The following FLNC variants were observed in gnomAD, a reference collection of about 807,000 sequenced individuals.
FLNC encodes the protein filamin C.
In FLNC, 91 loss-of-function variants were observed where a neutral mutation model predicts 254.3. The observed-to-expected ratio is 0.36, with a 90% CI of 0.30 to 0.43. The LOEUF (loss-of-function observed/expected upper bound fraction) is 0.43. FLNC is among the 20% of genes least tolerant of loss of function. The pLI is 1.00. For synonymous variants in FLNC, 1,430 were observed against 1,577.2 expected (o/e 0.91, Z 2.21); for missense variants, 2,853 against 3,802.6 (o/e 0.75, Z 6.57).
intron 37 of FLNC, 67 bp downstream of exon 37, chr7:128,853,098 C>T: frequency 6.9e-7 from 1 of 1,444,764 alleles, no homozygotes; most frequent in Non-Finnish European, 9.7e-7. Flanking sequence ...CCTCGTCCTG[C>T]CCAGCACCCC....
rs776786652 is a variant in FLNC, at chr7:128,843,403, C to G, written c.2642-5C>G. On this transcript the variant is annotated splice_region_variant and splice_polypyrimidine_tract_variant and intron_variant, in intron 17 of 47. Transcript: ENST00000325888. ...CCCTCACCACATCTCTGGGTGGGTC[C>G]TCAGGTGTGGAAGTCGGGAAGCCCA... 3.1e-6 allele frequency: 5 copies of G among 1,614,022 alleles called. No individual in the cohort carries two copies. Among genetic ancestry groups the G allele is most frequent in the Non-Finnish European group, 3.4e-6 (4 of 1,180,000 alleles).
At position 128,854,461 on chromosome 7, in the gene FLNC, G is replaced by T; in HGVS notation, c.6776G>T (p.Gly2259Val). The change falls in exon 41 of 48, where the codon GGC becomes GTC. Residue 2259 changes from glycine to valine, a missense_variant. This residue lies in a region of FLNC where 551 missense variants were observed against 835.0 expected (regional missense o/e 0.66). Transcript: ENST00000325888. The part of the protein sequence containing the change: ...DMTAQVTSPS[G>V]KVEAAEIVEG... ...ACTGCACAGGTGACCAGCCCATCGG[G>T]CAAGGTGGAAGCCGCAGAGATCGTC... 6.2e-7 allele frequency: 1 copy of T among 1,609,358 alleles called. No homozygotes were observed. The highest frequency in any genetic ancestry group is 1.1e-5 in the South Asian group (1 of 90,140).
In FLNC at chr7:128,855,201, G is replaced by T. The variant is rs1334300883; in HGVS notation, c.7138G>T (p.Asp2380Tyr). The T allele has an allele frequency of 6.2e-7, 1 of 1,606,722 alleles. No homozygotes were observed. The highest frequency in any genetic ancestry group is 1.1e-5 in the South Asian group (1 of 90,916). Residue 2380 changes from aspartate (D) to tyrosine (Y), a missense_variant and splice_region_variant, in exon 43 of 48, where the codon GAC (aspartate) becomes TAC (tyrosine). Transcript: ENST00000325888. The stretch of plus-strand genomic sequence containing the variant: ...TGCTGACTGGTCTCTCTCCCCAGGT[G>T]ACTATGAGGTCTCCATCAAGTTCAA... The part of the protein sequence containing the change: ...GVSYVVQEPG[D>Y]YEVSIKFNDE...
chr7:128,840,454 G>A (rs906058205), intron 9 of FLNC, 94 bp from the exon 10 acceptor site: 48 of 1,575,800 alleles, frequency 3.0e-5, no homozygotes, highest in Non-Finnish European at 4.1e-5. Context: ...CTCGGGCTGG[G>A]TCGGGGTCCC....
chr7:128,843,434 T>C lies in FLNC; in HGVS notation c.2668T>C (p.Phe890Leu). Residue 890 changes from phenylalanine to leucine, a missense_variant, in exon 18 of 48, where the codon TTC becomes CTC. Physicochemically the swap from Phe to Leu is conservative, Grantham distance 22. Around this residue, in one of 10 missense-constraint regions of FLNC, gnomAD observed 1,573 missense variants for 1,883.5 expected, o/e 0.84. Coordinates refer to ENST00000325888, the MANE Select transcript of FLNC (RefSeq NM_001458.5). ...TGTGGAAGTCGGGAAGCCCACCCAC[T>C]TCACGGTGCTGACCAAGGGAGCCGG... ...TGVEVGKPTHFTVLTKGAGKA... is the reference protein window; with the variant it reads ...TGVEVGKPTHLTVLTKGAGKA... The C allele has an allele frequency of 6.2e-7, 1 of 1,614,054 alleles. No individual in the cohort carries two copies. The highest frequency in any genetic ancestry group is 8.5e-7 in the Non-Finnish European group (1 of 1,180,010).
rs887620276 is a variant in FLNC, at chr7:128,846,113, C to T, written c.3914C>T (p.Thr1305Ile). 5 of 1,614,052 alleles carry T rather than the reference C, an allele frequency of 3.1e-6. No homozygotes were observed. The highest frequency in any genetic ancestry group is 4.2e-6 in the Non-Finnish European group (5 of 1,180,012). Residue 1305 changes from threonine to isoleucine, a missense_variant, in exon 22 of 48, where the codon ACA (threonine) becomes ATA (isoleucine). Physicochemically the swap from Thr to Ile is moderately conservative, Grantham distance 89. Coordinates refer to ENST00000325888, the MANE Select transcript of FLNC (RefSeq NM_001458.5). The part of the protein sequence containing the change: ...PSGAKTDTYV[T>I]DNGDGTYRVQ... ...GGGGCCAAGACAGACACCTATGTGA[C>T]AGACAATGGGGACGGCACCTACCGA...
At position 128,830,917 on chromosome 7, in the gene FLNC, C is replaced by T; in HGVS notation, c.280C>T (p.Gln94Ter). 6.2e-7 allele frequency: 1 copy of T among 1,613,076 alleles called. No individual in the cohort carries two copies. The highest frequency in any genetic ancestry group is 1.7e-5 in the Admixed American group (1 of 60,036). Reference protein sequence around the residue: ...RKFHPRPNFRQMKLENVSVAL... With the variant: ...RKFHPRPNFR ...GTTCCATCCGCGCCCCAACTTCCGC[C>T]AAATGAAGCTGGAGAACGTGTCCGT... Residue 94 changes from glutamine to a stop codon, truncating the protein, a stop_gained, in exon 1 of 48, where the codon CAA (glutamine) becomes TAA (stop). Transcript: ENST00000325888. LOFTEE classifies it high-confidence loss of function.
intron 27 of FLNC, 31 bp from the exon 28 acceptor site, chr7:128,848,762 A>T: frequency 6.2e-7 from 1 of 1,614,134 alleles, no homozygotes; most frequent in Non-Finnish European, 8.5e-7. Flanking sequence ...CTCCAGGCAC[A>T]GGCGGGCCTT....
At chr7:128,852,559 A>T (rs1258358651) in intron 35 of FLNC, 32 bp from the exon 36 acceptor site, 8 of 1,612,780 alleles carry the variant, frequency 5.0e-6, no homozygotes, top group Non-Finnish European at 6.8e-6. Context: ...GCCTGGAGTC[A>T]TAGCAGCCTG....
chr7:128,842,346 G>A lies in FLNC; in HGVS notation c.2237G>A (p.Gly746Asp), dbSNP rs767964217. The change falls in exon 14 of 48, where the codon GGC becomes GAC. Residue 746 changes from glycine to aspartate, a missense_variant. Gly to Asp is a moderately conservative substitution (Grantham distance 94). Around this residue, in one of 10 missense-constraint regions of FLNC, gnomAD observed 1,573 missense variants for 1,883.5 expected, o/e 0.84. Coordinates refer to ENST00000325888, the MANE Select transcript of FLNC (RefSeq NM_001458.5). This position sits in a 1 kb window ranked among gnomAD's most constrained non-coding sequence, Gnocchi z 5.4. The part of the protein sequence containing the change: ...IKHTIIISWG[G>D]VNVPKSPFRV... ...CACACCATCATCATCTCCTGGGGAG[G>A]CGTAAACGTGCCCAAGAGCCCCTTC... 6.2e-7 allele frequency: 1 copy of A among 1,613,638 alleles called. No individual in the cohort carries two copies. Among genetic ancestry groups the A allele is most frequent in the Non-Finnish European group, 8.5e-7 (1 of 1,180,010 alleles).
chr7:128,852,014 C>T (rs1314959945), intron 35 of FLNC, among the ~76,000 whole-genome samples: 7 of 152,136 alleles, frequency 4.6e-5, no homozygotes, highest in Non-Finnish European at 5.9e-5. Flanking sequence ...TCCAGGCGCC[C>T]GCCACCATGC....
At position 128,841,827 on chromosome 7, in the gene FLNC, A is replaced by G. The variant is rs975570308; in HGVS notation, c.2121+260A>G. Among the ~76,000 whole-genome samples, 1 of 152,256 alleles carries G rather than the reference A, an allele frequency of 6.6e-6. No individual in the cohort carries two copies. The highest frequency in any genetic ancestry group is 2.4e-5 in the African/African-American group (1 of 41,470). On this transcript the variant is annotated intron_variant, in intron 13 of 47. Coordinates refer to ENST00000325888, the MANE Select transcript of FLNC (RefSeq NM_001458.5). This position sits in a 1 kb window ranked among gnomAD's most constrained non-coding sequence, Gnocchi z 4.3. ...AATTGAAAGATTGTTTCATTGAATA[A>G]GACACTGGTTTCCCAAGTCAGTTTC...
chr7:128,845,365 A>T (rs943635031), intron 21 of FLNC, 110 bp downstream of exon 21: 4 of 884,110 alleles, frequency 4.5e-6, no homozygotes, highest in Non-Finnish European at 7.3e-6. Flanking sequence ...CCTGGGGTGA[A>T]GGGAGGGCTC....
Position 128,852,828 on chromosome 7 carries a change from G to C in FLNC, c.6005G>C (p.Gly2002Ala). ...TCTGCCTAACACCCACTTTCCACAG[G>C]GATCTCCTTCACCCCCAAGGAGGTC... is the stretch of plus-strand genomic sequence containing the variant. ...LLKRLPNRHI[G>A]ISFTPKEVGE... Residue 2002 changes from glycine (G) to alanine (A), a missense_variant and splice_region_variant, in exon 37 of 48, where the codon GGG becomes GCG. Gly to Ala is a moderately conservative substitution (Grantham distance 60). This residue lies in a region of FLNC where 551 missense variants were observed against 835.0 expected (regional missense o/e 0.66). Coordinates refer to ENST00000325888, the MANE Select transcript of FLNC (RefSeq NM_001458.5). 1 of 1,613,846 alleles carries C rather than the reference G, an allele frequency of 6.2e-7. No homozygotes were observed.
In FLNC at chr7:128,849,506, C is replaced by G. The variant is rs540345016; in HGVS notation, c.5127C>G (p.Pro1709=). ...DGTFDIYYTA[P]EPGKYVITIR... ...CCTTTGACATCTACTACACAGCGCC[C>G]GAGCCGGGCAAGTACGTCATCACCA... The change falls in exon 30 of 48, where the codon CCC becomes CCG. Residue 1709 remains proline, a synonymous_variant. Transcript: ENST00000325888. 1 of 1,614,058 alleles carries G rather than the reference C, an allele frequency of 6.2e-7. No homozygotes were observed. The highest frequency in any genetic ancestry group is 8.5e-7 in the Non-Finnish European group (1 of 1,180,036).
intron 1 of FLNC, among the ~76,000 whole-genome samples, chr7:128,834,224 G>A (rs1349005594): frequency 2.0e-5 from 3 of 151,558 alleles, no homozygotes; most frequent in African/African-American, 7.3e-5. Context: ...CCCTTTACAA[G>A]TAAGCTGAAT....
chr7:128,837,871 A>G (rs1808162502), intron 5 of FLNC, 116 bp downstream of exon 5: 2 of 1,361,624 alleles, frequency 1.5e-6, no homozygotes, highest in Non-Finnish European at 1.0e-6. Context: ...TGTGCTGTGC[A>G]GTCTGGGGAA....
In FLNC at chr7:128,842,214, T is replaced by G; in HGVS notation, c.2122-17T>G. 1 of 1,613,322 alleles carries G rather than the reference T, an allele frequency of 6.2e-7. No homozygotes were observed. The highest frequency in any genetic ancestry group is 8.5e-7 in the Non-Finnish European group (1 of 1,179,842). ...CAGAGGCCACAGCTATGAACTTTGC[T>G]TGGGTGATGCCCACAGGACGCCGAC... On this transcript the variant is annotated splice_polypyrimidine_tract_variant and intron_variant, in intron 13 of 47. Transcript: ENST00000325888. This position sits in a 1 kb window ranked among gnomAD's most constrained non-coding sequence, Gnocchi z 5.4.
In FLNC at chr7:128,842,315, A is replaced by G. The variant is rs2128935565; in HGVS notation, c.2206A>G (p.Ile736Val). 1.2e-6 allele frequency: 2 copies of G among 1,613,802 alleles called. No individual in the cohort carries two copies. The highest frequency in any genetic ancestry group is 1.7e-6 in the Non-Finnish European group (2 of 1,179,986). Reference protein sequence around the residue: ...FRCSYVPTKPIKHTIIISWGG... With the variant: ...FRCSYVPTKPVKHTIIISWGG... ...CTGCTCCTACGTGCCCACCAAGCCC[A>G]TTAAGCACACCATCATCATCTCCTG... Residue 736 changes from isoleucine (I) to valine (V), a missense_variant, in exon 14 of 48, where the codon ATT (isoleucine) becomes GTT (valine). Transcript: ENST00000325888. The surrounding 1 kb of genome is among the most constrained non-coding windows in gnomAD (Gnocchi z 5.4).
Sources: gnomAD v4.1 joint callset for allele counts (sites outside exome capture counted in the v4.1 genomes callset) on GRCh38, gnomAD v4.1.1 for gene constraint, gnomAD v4.1.1 regional missense constraint, Gnocchi (gnomAD v3.1) non-coding constraint, MANE v1.5 for transcripts, NCBI Gene and HGNC (gene_info 2026-07-23, HGNC 2026-07-21) for gene names.